The following GRIA3 variants were observed in gnomAD, a reference collection of about 807,000 sequenced individuals.
GRIA3 encodes glutamate receptor 3.
GRIA3 carries 3 observed loss-of-function variants against 63.0 expected under a neutral mutation model. The observed-to-expected ratio is 0.05, with a 90% CI of 0.02 to 0.12. GRIA3 has a LOEUF of 0.12. Among genes scored for constraint, GRIA3 ranks in the 10% least tolerant of loss-of-function variants. The probability of loss-of-function intolerance (pLI) is 1.00; values close to 1 mark genes in which losing one functional copy is unlikely to be tolerated. For synonymous variants in GRIA3, 274 were observed against 257.9 expected, an observed-to-expected ratio of 1.06 and a Z score of -0.60; for missense variants, 347 against 700.9, an observed-to-expected ratio of 0.50 and a Z score of 5.70.
At chrX:123,214,001 G>A (rs181868643) in intron 2 of GRIA3, among the ~76,000 whole-genome samples, 65 of 111,608 alleles carry the variant, frequency 5.8e-4, no homozygotes, top group African/African-American at 2.1e-3. Context: ...TTTCTCATTG[G>A]AATCCCTTGG....
intron 3 of GRIA3, among the ~76,000 whole-genome samples, chrX:123,320,261 C>T (rs1290524985): frequency 2.7e-5 from 3 of 111,793 alleles, no homozygotes; most frequent in African/African-American, 9.8e-5. Flanking sequence ...AGCACATCAC[C>T]AACTTTCAAA....
intron 3 of GRIA3, among the ~76,000 whole-genome samples, chrX:123,319,295 T>C (rs981111098): frequency 4.5e-5 from 5 of 112,028 alleles, no homozygotes; most frequent in African/African-American, 1.6e-4. Flanking sequence ...GGCTATTCCA[T>C]GTAGGTTTGT....
At chrX:123,261,236 G>T (rs993427286) in intron 3 of GRIA3, among the ~76,000 whole-genome samples, 1 of 111,113 alleles carries the variant, frequency 9.0e-6, no homozygotes, top group Non-Finnish European at 1.9e-5. Flanking sequence ...TGTTCTCTCG[G>T]TAGCTTAACA....
Position 123,289,718 on chromosome X carries a change from G to A in GRIA3, c.508+36176G>A, listed in dbSNP as rs188292829. 1.5e-3 allele frequency among the ~76,000 whole-genome samples: 168 copies of A among 109,770 alleles called. 1 individual carries two copies. The highest frequency in any genetic ancestry group is 5.1e-3 in the African/African-American group (155 of 30,172). On this transcript the variant is annotated intron_variant, in intron 3 of 15. Coordinates refer to ENST00000620443, the MANE Select transcript of GRIA3 (RefSeq NM_007325.5). ...GTCCCTTGAGAAACCTTGTGAGACTGGAAGAGACACAAGGCTCCTCCCTCC... is the reference window on the plus strand; with the variant it reads ...GTCCCTTGAGAAACCTTGTGAGACTAGAAGAGACACAAGGCTCCTCCCTCC...
rs374552166 is a variant in GRIA3, at chrX:123,216,837, A to G, written c.268+30847A>G. Among the ~76,000 whole-genome samples the G allele has an allele frequency of 1.8e-4, 20 of 111,662 alleles. No homozygotes were observed. The South Asian group carries it at 2.3e-3, about 13-fold the overall frequency. On this transcript the variant is annotated intron_variant, in intron 2 of 15. Coordinates refer to ENST00000620443, the MANE Select transcript of GRIA3 (RefSeq NM_007325.5). The stretch of plus-strand genomic sequence containing the variant: ...AGAAATGTGTGTAGGGAGAGACTAC[A>G]ATGAAGGGTCATAATCTATTAAATA...
chrX:123,413,645 A>G (rs1334076206), intron 10 of GRIA3, among the ~76,000 whole-genome samples: 1 of 107,603 alleles, frequency 9.3e-6, no homozygotes, highest in Non-Finnish European at 1.9e-5. Context: ...GCTTCAGGCA[A>G]AAGGGTAAAA....
chrX:123,325,926 G>A (rs1210687649), intron 3 of GRIA3, 100 bp from the exon 4 acceptor site: 2 of 704,837 alleles, frequency 2.8e-6, no homozygotes, highest in African/African-American at 4.3e-5. Flanking sequence ...AATGGATAAG[G>A]TTCAAAGGCA....
chrX:123,208,492 T>C (rs1927953315), intron 2 of GRIA3, among the ~76,000 whole-genome samples: 1 of 112,521 alleles, frequency 8.9e-6, no homozygotes, highest in Admixed American at 9.4e-5. Context: ...CAGAGGATAA[T>C]TTGACCAAAT....
At chrX:123,314,781 A>C (rs1165992233) in intron 3 of GRIA3, among the ~76,000 whole-genome samples, 2 of 112,206 alleles carry the variant, frequency 1.8e-5, no homozygotes, top group Non-Finnish European at 3.8e-5. Context: ...CCAAGGTTAC[A>C]CTTGACTAGT....
intron 5 of GRIA3, among the ~76,000 whole-genome samples, chrX:123,383,699 A>C (rs1467642138): frequency 5.4e-5 from 6 of 110,960 alleles, no homozygotes; most frequent in Non-Finnish European, 1.1e-4. Context: ...AGTTTTTTTT[A>C]ATCTTTTTTT....
At chrX:123,259,316 G>A (rs1271171492) in intron 3 of GRIA3, among the ~76,000 whole-genome samples, 5 of 111,659 alleles carry the variant, frequency 4.5e-5, no homozygotes, top group African/African-American at 1.3e-4. Context: ...TTTTCTGCAT[G>A]TTGTCATTCT....
intron 2 of GRIA3, among the ~76,000 whole-genome samples, chrX:123,237,841 A>G (rs960866056): frequency 3.6e-5 from 4 of 109,681 alleles, no homozygotes; most frequent in Admixed American, 9.6e-5. Context: ...GTCAGATTCC[A>G]CCCCATGGAG....
intron 13 of GRIA3, among the ~76,000 whole-genome samples, chrX:123,471,990 C>CATATAT (rs760824587): frequency 0.18 from 2,348 of 13,384 alleles, 532 homozygotes; most frequent in East Asian, 0.58. Context: ...CAATGGCATT[C>CATATAT]ATATATATAT....
At chrX:123,373,775 A>G (rs939754531) in intron 5 of GRIA3, among the ~76,000 whole-genome samples, 40 of 111,410 alleles carry the variant, frequency 3.6e-4, no homozygotes, top group Non-Finnish European at 5.7e-5. Flanking sequence ...AGATGAGTAG[A>G]TTGCAAAAAT....
intron 3 of GRIA3, among the ~76,000 whole-genome samples, chrX:123,287,586 T>C (rs951185046): frequency 4.5e-5 from 5 of 111,825 alleles, no homozygotes; most frequent in Non-Finnish European, 9.4e-5. Flanking sequence ...ACAAAATCAA[T>C]GTGCAAAAAT....
intron 3 of GRIA3, among the ~76,000 whole-genome samples, chrX:123,257,307 T>G (rs1310463663): frequency 1.8e-5 from 2 of 111,348 alleles, no homozygotes; most frequent in East Asian, 5.6e-4. Flanking sequence ...CCAACCTCCT[T>G]TAGTGATTCA....
Position 123,373,706 on chromosome X carries a change from G to T in GRIA3, c.750+18743G>T, listed in dbSNP as rs188810458. Among the ~76,000 whole-genome samples, 486 of 111,629 alleles carry T rather than the reference G, an allele frequency of 4.4e-3. 4 individuals are homozygous for T. The highest frequency in any genetic ancestry group is 0.015 in the African/African-American group (467 of 30,716). On this transcript the variant is annotated intron_variant, in intron 5 of 15. Transcript: ENST00000620443. ...GCCCACTTTTTGATGGGGTTGTTTG[G>T]TTTTTTTCTTGTAAATTTGTTTAGG... is the stretch of plus-strand genomic sequence containing the variant.
intron 2 of GRIA3, among the ~76,000 whole-genome samples, chrX:123,235,259 G>A (rs1049992743): frequency 4.5e-5 from 5 of 111,502 alleles, no homozygotes; most frequent in African/African-American, 1.6e-4. Context: ...GGCAGGGCAG[G>A]ACTGGGTAAG....
chrX:123,282,277 A>G (rs919115193), intron 3 of GRIA3, among the ~76,000 whole-genome samples: 1 of 112,428 alleles, frequency 8.9e-6, no homozygotes, highest in African/African-American at 3.2e-5. Flanking sequence ...AATGATCTGT[A>G]GTATTATACG....
Sources: gnomAD v4.1 joint callset for allele counts (sites outside exome capture counted in the v4.1 genomes callset) on GRCh38, gnomAD v4.1.1 for gene constraint, MANE v1.5 for transcripts, NCBI Gene and HGNC (gene_info 2026-07-23, HGNC 2026-07-21) for gene names.